Variants in NSMAF observed in about 807,000 individuals in gnomAD.
NSMAF encodes the protein protein FAN.
A neutral mutation model predicts 134.9 loss-of-function variants in NSMAF; 90 were observed. That is an observed-to-expected ratio of 0.67 (90% CI 0.56 to 0.79). NSMAF has a LOEUF of 0.79. Among genes scored for constraint, NSMAF ranks in the 30% least tolerant of loss-of-function variants. The probability of loss-of-function intolerance (pLI) is 0.00; values close to 1 mark genes in which losing one functional copy is unlikely to be tolerated. For missense variants in NSMAF, 1,010 were observed against 1,119.0 expected (o/e 0.90, Z 1.39); for synonymous variants, 358 against 389.6 (o/e 0.92, Z 0.96).
At chr8:58,588,456 AG>A (rs1171855382) in intron 26 of NSMAF, 2 of 1,234,450 alleles carry the variant, frequency 1.6e-6, no homozygotes, top group Non-Finnish European at 2.4e-6. Flanking sequence ...CAGCACCCGC[AG>A]GTCTAAATTG....
rs566761143 is a variant in NSMAF, at chr8:58,593,049, T to C, written c.1951+1183A>G. Among the ~76,000 whole-genome samples, 3 of 152,334 alleles carry C rather than the reference T, an allele frequency of 2.0e-5. No homozygotes were observed. The East Asian group carries it at 5.8e-4, about 29-fold the overall frequency. ...TAACAAGGTCATACAAGTACAACTG[T>C]GCTGAACGATTTAACAAGCCATCCC... On this transcript the variant is annotated intron_variant, in intron 23 of 30. Coordinates refer to ENST00000038176, the MANE Select transcript of NSMAF (RefSeq NM_003580.4).
At chr8:58,620,480 G>C (rs1378832570) in intron 9 of NSMAF, among the ~76,000 whole-genome samples, 1 of 152,160 alleles carries the variant, frequency 6.6e-6, no homozygotes, top group Non-Finnish European at 1.5e-5. Flanking sequence ...GCTTTATCCT[G>C]AAGGCACTGG....
intron 22 of NSMAF, 113 bp downstream of exon 22, chr8:58,595,447 A>G: frequency 2.9e-6 from 2 of 696,372 alleles, no homozygotes; most frequent in Non-Finnish European, 2.5e-6. Context: ...AATAAAGACA[A>G]CATTGAAAGG....
intron 2 of NSMAF, 24 bp downstream of exon 2, chr8:58,642,960 A>G (rs2129147316): frequency 1.9e-6 from 3 of 1,541,686 alleles, no homozygotes; most frequent in Non-Finnish European, 2.7e-6. Context: ...TTGTTTGTCC[A>G]AGGAGATACC....
intron 6 of NSMAF, among the ~76,000 whole-genome samples, chr8:58,624,035 ATTTTTTT>A (rs11431046): frequency 2.0e-5 from 2 of 99,098 alleles, no homozygotes; most frequent in African/African-American, 8.1e-5. Flanking sequence ...TAGAGTTAGG[ATTTTTTT>A]TTTTTTTTTT....
At chr8:58,642,501 TA>T (rs1282520235) in intron 2 of NSMAF, among the ~76,000 whole-genome samples, 1 of 152,212 alleles carries the variant, frequency 6.6e-6, no homozygotes, top group Non-Finnish European at 1.5e-5. Context: ...ATTTTGAAAG[TA>T]CTGATTTTAT....
rs2229740 is a variant in NSMAF, at chr8:58,589,470, C to A, written c.2193G>T (p.Ser731=). ...TATGAACCTTCACTGTAGAGTCCCACGATGCAGAATATAGCCTGTTGTCAT... is the reference window on the plus strand; with the variant it reads ...TATGAACCTTCACTGTAGAGTCCCAAGATGCAGAATATAGCCTGTTGTCAT... ...CWHDNRLYSA[S]WDSTVKVWSG... Residue 731 remains serine (S), a synonymous_variant, in exon 26 of 31, where the codon TCG becomes TCT. Transcript: ENST00000038176. 74 of 1,523,996 alleles carry A rather than the reference C, an allele frequency of 4.9e-5. No individual in the cohort carries two copies. In the South Asian group the frequency reaches 9.3e-4, roughly 19 times the overall value. The allele number at this position is 1,523,996 out of a possible 1,614,324, so 94.4% of individuals were successfully genotyped here. A position where few individuals can be genotyped will look rare whatever the true frequency, so the allele number is the denominator to read the frequency against.
chr8:58,659,221 G>C, intron 1 of NSMAF: 1 of 1,472,516 alleles, frequency 6.8e-7, no homozygotes, highest in East Asian at 2.8e-5. Context: ...CCGGGCTCGC[G>C]TGCCGGGATC....
intron 2 of NSMAF, among the ~76,000 whole-genome samples, chr8:58,642,671 C>T (rs1053693467): frequency 6.6e-6 from 1 of 152,042 alleles, no homozygotes; most frequent in African/African-American, 2.4e-5. Context: ...AGAATTGGAA[C>T]AAATGCTTTT....
intron 9 of NSMAF, among the ~76,000 whole-genome samples, chr8:58,622,603 C>T (rs975469386): frequency 6.6e-6 from 1 of 152,126 alleles, no homozygotes; most frequent in Admixed American, 6.5e-5. Flanking sequence ...CTATTTTGGC[C>T]AGGCTGGTCT....
In NSMAF at chr8:58,623,758, T is replaced by G. The variant is rs1223416373; in HGVS notation, c.407A>C (p.Glu136Ala). 6.2e-7 allele frequency: 1 copy of G among 1,613,914 alleles called. No individual in the cohort carries two copies. Among genetic ancestry groups the G allele is most frequent in the Non-Finnish European group, 8.5e-7 (1 of 1,179,954 alleles). ...TTCCACTTTCCCGGGAACATCCAAT[T>G]CAAAAACATATTCCATTTTGCCCTA... ...IERGKMEYVF[E>A]LDVPGKVEDV... Residue 136 changes from glutamate to alanine, a missense_variant, in exon 7 of 31, where the codon GAA (glutamate) becomes GCA (alanine). Glu to Ala is a moderately radical substitution (Grantham distance 107, BLOSUM62 -1). Transcript: ENST00000038176.
intron 22 of NSMAF, among the ~76,000 whole-genome samples, chr8:58,595,336 T>C (rs1051353772): frequency 1.3e-5 from 2 of 152,132 alleles, no homozygotes; most frequent in East Asian, 3.9e-4. Flanking sequence ...ACTGCAGAAA[T>C]GACAGCACGG....
At chr8:58,612,378 C>G (rs966146815) in intron 9 of NSMAF, among the ~76,000 whole-genome samples, 1 of 152,234 alleles carries the variant, frequency 6.6e-6, no homozygotes, top group African/African-American at 2.4e-5. Context: ...TGTACCCTCA[C>G]TCCACAGGGA....
In NSMAF at chr8:58,585,739, A is replaced by C. The variant is rs1436810296; in HGVS notation, c.2572T>G (p.Ser858Ala). Reference sequence around the variant, plus strand: ...CCAGACTGACTGCCAGATAAAACGGAATTTCCATCCCAGACAAAGCACCTG... The same window carrying C: ...CCAGACTGACTGCCAGATAAAACGGCATTTCCATCCCAGACAAAGCACCTG... ...PQRCFVWDGN[S>A]VLSGSQSGEL... The change falls in exon 30 of 31, where the codon TCC (serine) becomes GCC (alanine). Residue 858 changes from serine (S) to alanine (A), a missense_variant. By Grantham distance (99) the Ser-to-Ala change is moderately conservative (BLOSUM62 1). Transcript: ENST00000038176. 6.8e-6 allele frequency: 11 copies of C among 1,614,054 alleles called. No homozygotes were observed. Among genetic ancestry groups the C allele is most frequent in the Non-Finnish European group, 8.5e-6 (10 of 1,180,006 alleles).
chr8:58,586,830 T>A (rs2634527), intron 27 of NSMAF, among the ~76,000 whole-genome samples: 11 of 152,008 alleles, frequency 7.2e-5, no homozygotes. Flanking sequence ...CAAGAAGAAA[T>A]GAAGTATTGC....
In NSMAF at chr8:58,597,454, C is replaced by T; in HGVS notation, c.1725G>A (p.Arg575=). 2 of 1,614,072 alleles carry T rather than the reference C, an allele frequency of 1.2e-6. No individual in the cohort carries two copies. Among genetic ancestry groups the T allele is most frequent in the South Asian group, 1.1e-5 (1 of 91,082 alleles). The stretch of plus-strand genomic sequence containing the variant: ...ACAAACTTTTAAACTTTGGGGTGAT[C>T]CTTCGAGGATGTGGTGTCACAAATA... ...KQLFVTPHPR[R]ITPKFKSLSQ... Residue 575 remains arginine, a synonymous_variant, in exon 21 of 31, where the codon AGG becomes AGA. Coordinates refer to ENST00000038176, the MANE Select transcript of NSMAF (RefSeq NM_003580.4).
chr8:58,640,043 T>C (rs1807298443), intron 2 of NSMAF: 1 of 454,652 alleles, frequency 2.2e-6, no homozygotes, highest in Admixed American at 2.4e-5. Context: ...TTAAAGGGGG[T>C]GGAAGAAATG....
intron 5 of NSMAF, among the ~76,000 whole-genome samples, chr8:58,632,650 C>T (rs1807080446): frequency 6.6e-6 from 1 of 152,172 alleles, no homozygotes; most frequent in African/African-American, 2.4e-5. Flanking sequence ...CTCTCAGTCC[C>T]CAGGAAATCT....
intron 9 of NSMAF, among the ~76,000 whole-genome samples, chr8:58,610,362 A>C (rs1346984028): frequency 1.3e-5 from 2 of 152,210 alleles, no homozygotes; most frequent in African/African-American, 2.4e-5. Context: ...CCAAATCATC[A>C]ACATTTTAAG....
Sources: allele counts gnomAD v4.1 joint callset (sites outside exome capture counted in the v4.1 genomes callset), GRCh38; gene constraint gnomAD v4.1.1; transcripts MANE v1.5; gene names NCBI Gene and HGNC (gene_info 2026-07-23, HGNC 2026-07-21).